IPO11: variants seen among roughly 807,000 people sequenced by gnomAD.
IPO11 encodes importin 11.
A neutral mutation model predicts 143.2 loss-of-function variants in IPO11; 66 were observed. That is an observed-to-expected ratio of 0.46 (90% CI 0.38 to 0.57). IPO11 has a LOEUF of 0.57. IPO11 is among the 20% of genes least tolerant of loss of function. IPO11 has a pLI of 0.00. For missense variants in IPO11, 1,026 were observed against 1,141.0 expected (o/e 0.90, Z 1.45); for synonymous variants, 385 against 377.8 (o/e 1.02, Z -0.22).
chr5:62,582,579 G>A (rs1449778333), intron 27 of IPO11, among the ~76,000 whole-genome samples: 1 of 152,162 alleles, frequency 6.6e-6, no homozygotes, highest in East Asian at 1.9e-4. Flanking sequence ...CATCTGTCCA[G>A]TACACTGGAA....
intron 29 of IPO11, among the ~76,000 whole-genome samples, chr5:62,616,911 A>ATTT (rs1746162076): frequency 6.6e-6 from 1 of 152,132 alleles, no homozygotes; most frequent in Non-Finnish European, 1.5e-5. Flanking sequence ...ACACCATTTG[A>ATTT]TGAAATCAAA....
At chr5:62,503,873 C>A (rs575590532) in intron 16 of IPO11, among the ~76,000 whole-genome samples, 1 of 152,206 alleles carries the variant, frequency 6.6e-6, no homozygotes, top group African/African-American at 2.4e-5. Context: ...ATAACAGTTG[C>A]TATAGTGTAA....
intron 26 of IPO11, 59 bp downstream of exon 26, chr5:62,551,395 G>T: frequency 1.1e-6 from 1 of 930,944 alleles, no homozygotes. Flanking sequence ...ATTAGAAATA[G>T]TTTGATGAAA....
At chr5:62,517,175 GCGA>G (rs1303170316) in intron 20 of IPO11, among the ~76,000 whole-genome samples, 1 of 149,040 alleles carries the variant, frequency 6.7e-6, no homozygotes, top group African/African-American at 2.5e-5. Context: ...TCTAGCCTGG[GCGA>G]CAGAGCAAGA....
chr5:62,481,872 T>A (rs1225797960), intron 9 of IPO11, among the ~76,000 whole-genome samples: 1 of 152,230 alleles, frequency 6.6e-6, no homozygotes, highest in Non-Finnish European at 1.5e-5. Context: ...TGGTACCAGC[T>A]CCTCTTTGTA....
At chr5:62,612,764 T>C (rs1745972729) in intron 29 of IPO11, among the ~76,000 whole-genome samples, 1 of 152,202 alleles carries the variant, frequency 6.6e-6, no homozygotes, top group African/African-American at 2.4e-5. Context: ...CAATAACTTT[T>C]AAATGTAAAA....
At chr5:62,556,103 G>A (rs1377997264) in intron 26 of IPO11, among the ~76,000 whole-genome samples, 2 of 152,128 alleles carry the variant, frequency 1.3e-5, no homozygotes, top group African/African-American at 2.4e-5. Flanking sequence ...TCTTTGGGCT[G>A]CTGTTAGCTT....
chr5:62,528,099 A>T (rs1440841888), intron 21 of IPO11, among the ~76,000 whole-genome samples: 1 of 152,224 alleles, frequency 6.6e-6, no homozygotes, highest in Non-Finnish European at 1.5e-5. Context: ...GACAGAGAAC[A>T]TTCTGGCCAG....
intron 27 of IPO11, among the ~76,000 whole-genome samples, chr5:62,577,113 G>C (rs1326946251): frequency 6.6e-6 from 1 of 152,204 alleles, no homozygotes; most frequent in Non-Finnish European, 1.5e-5. Context: ...TTGTTGATCA[G>C]TTGTCTCTAA....
intron 27 of IPO11, among the ~76,000 whole-genome samples, chr5:62,572,738 C>T (rs1010622133): frequency 3.3e-5 from 5 of 151,806 alleles, no homozygotes; most frequent in Non-Finnish European, 5.9e-5. Context: ...TGCGCTACCA[C>T]ACCCGGCTAG....
chr5:62,593,107 A>C (rs1390967593), intron 28 of IPO11, among the ~76,000 whole-genome samples: 1 of 152,238 alleles, frequency 6.6e-6, no homozygotes, highest in Non-Finnish European at 1.5e-5. Flanking sequence ...TGATGAATGC[A>C]GACAGTTATA....
Position 62,419,486 on chromosome 5 carries a change from C to T in IPO11, c.-7+6557C>T, listed in dbSNP as rs1258169094. 2.0e-5 allele frequency among the ~76,000 whole-genome samples: 3 copies of T among 152,116 alleles called. No homozygotes were observed. In the East Asian group the frequency reaches 5.8e-4, roughly 29 times the overall value. On this transcript the variant is annotated intron_variant, in intron 1 of 29. Transcript: ENST00000325324. ...ACAGACGCAAACACACACATTAACTCAGGTACACACAAGGTCAGGATCATC... is the reference window on the plus strand; with the variant it reads ...ACAGACGCAAACACACACATTAACTTAGGTACACACAAGGTCAGGATCATC...
chr5:62,612,951 G>A (rs1302800643), intron 29 of IPO11, among the ~76,000 whole-genome samples: 1 of 152,228 alleles, frequency 6.6e-6, no homozygotes, highest in Non-Finnish European at 1.5e-5. Context: ...ATGCTGGGCT[G>A]AAGGATATGT....
intron 27 of IPO11, chr5:62,575,922 C>G (rs1292202654): frequency 6.6e-6 from 1 of 152,148 alleles, no homozygotes; most frequent in East Asian, 1.9e-4. Context: ...TCCAGGAACA[C>G]AAGTCCACTT....
intron 27 of IPO11, among the ~76,000 whole-genome samples, chr5:62,583,430 C>T (rs983368300): frequency 6.6e-6 from 1 of 152,028 alleles, no homozygotes; most frequent in Non-Finnish European, 1.5e-5. Context: ...TCAAAAAAGG[C>T]AGTTCAGAAA....
At chr5:62,576,134 C>T (rs1367389038) in intron 27 of IPO11, 4 of 155,476 alleles carry the variant, frequency 2.6e-5, no homozygotes, top group African/African-American at 9.6e-5. Context: ...TGCGTAAGCA[C>T]ATTTATTGCC....
intron 27 of IPO11, chr5:62,581,348 A>T (rs1744553154): frequency 2.1e-6 from 3 of 1,420,316 alleles, no homozygotes; most frequent in Non-Finnish European, 2.8e-6. Flanking sequence ...AGTGCCATGG[A>T]CATGATTTAA....
intron 27 of IPO11, chr5:62,580,925 TGGAAAAAAACAGTGCTC>T: frequency 6.4e-7 from 1 of 1,551,258 alleles, no homozygotes; most frequent in Non-Finnish European, 8.7e-7. Context: ...ACCTTGAACT[TGGAAAAAAACAGTGCTC>T]TACCGAATGA....
At chr5:62,528,523 A>G (rs1274368640) in intron 21 of IPO11, among the ~76,000 whole-genome samples, 1 of 152,080 alleles carries the variant, frequency 6.6e-6, no homozygotes, top group Non-Finnish European at 1.5e-5. Flanking sequence ...CTGGATTGAG[A>G]GAGTGGGATA....
Sources: allele counts gnomAD v4.1 joint callset (sites outside exome capture counted in the v4.1 genomes callset), GRCh38; gene constraint gnomAD v4.1.1; transcripts MANE v1.5; gene names NCBI Gene and HGNC (gene_info 2026-07-23, HGNC 2026-07-21).